COL23A1: variants seen among roughly 807,000 people sequenced by gnomAD.
COL23A1 encodes the protein collagen alpha-1(XXIII) chain.
COL23A1 carries 97 observed loss-of-function variants against 99.3 expected under a neutral mutation model. The ratio of observed to expected loss-of-function variants is 0.98; its 90% CI spans 0.83 to 1.16. COL23A1 has a LOEUF of 1.16. COL23A1 is among the 50% of genes most tolerant of loss of function. The pLI, the probability that COL23A1 is intolerant of heterozygous loss-of-function variation, is 0.00. For missense variants in COL23A1, 762 were observed against 757.4 expected (o/e 1.01, Z -0.07); for synonymous variants, 320 against 308.2 (o/e 1.04, Z -0.40).
chr5:178,554,786 G>A (rs1762181398), intron 2 of COL23A1, among the ~76,000 whole-genome samples: 1 of 151,962 alleles, frequency 6.6e-6, no homozygotes, highest in Non-Finnish European at 1.5e-5. Context: ...ATTTTTCAAG[G>A]AGAGGCACCT....
In COL23A1 at chr5:178,578,123, A is replaced by ACACACTCATG. The variant is rs1248164760; in HGVS notation, c.294+11780_294+11781insCATGAGTGTG. 6.1e-4 allele frequency among the ~76,000 whole-genome samples: 87 copies of ACACACTCATG among 141,496 alleles called. 1 individual carries two copies. The highest frequency in any genetic ancestry group is 2.3e-3 in the African/African-American group (76 of 33,722). The allele number at this position is 141,496 out of a possible 152,430, so 92.8% of individuals were successfully genotyped here. On this transcript the variant is annotated intron_variant, in intron 1 of 28. Transcript: ENST00000390654. ...CACGCCCACATGCACACATTCATGCACACACACACATGCATGCACACACAT... is the reference window on the plus strand; with the variant it reads ...CACGCCCACATGCACACATTCATGCACACACTCATGCACACACACATGCATGCACACACAT...
intron 1 of COL23A1, among the ~76,000 whole-genome samples, chr5:178,561,545 G>A (rs535618861): frequency 3.9e-5 from 6 of 152,138 alleles, no homozygotes; most frequent in Non-Finnish European, 5.9e-5. Context: ...GATGAGGAAC[G>A]CAAGCTTGGA....
chr5:178,430,657 C>T (rs189463318), intron 2 of COL23A1, among the ~76,000 whole-genome samples: 1 of 152,280 alleles, frequency 6.6e-6, no homozygotes, highest in East Asian at 1.9e-4. Flanking sequence ...AGGAAACTAA[C>T]AAAGTTGGAT....
chr5:178,467,544 G>A (rs543996153), intron 2 of COL23A1, among the ~76,000 whole-genome samples: 24 of 152,188 alleles, frequency 1.6e-4, no homozygotes, highest in East Asian at 3.9e-4. Flanking sequence ...GGCGGTAGTC[G>A]GAGGGAACCA....
intron 2 of COL23A1, among the ~76,000 whole-genome samples, chr5:178,419,522 C>G (rs937180354): frequency 6.6e-6 from 1 of 152,214 alleles, no homozygotes; most frequent in Non-Finnish European, 1.5e-5. Context: ...TTAGCATCAG[C>G]CTGTTTTGTA....
chr5:178,526,979 G>A (rs539940681), intron 2 of COL23A1, among the ~76,000 whole-genome samples: 3 of 152,340 alleles, frequency 2.0e-5, no homozygotes, highest in Admixed American at 6.5e-5. Flanking sequence ...CCAGGGTGCC[G>A]TGGTAGGCAG....
chr5:178,523,159 TATAC>T (rs1293034613), intron 2 of COL23A1, among the ~76,000 whole-genome samples: 1 of 70,098 alleles, frequency 1.4e-5, no homozygotes, highest in Non-Finnish European at 3.0e-5. Flanking sequence ...TATATATATA[TATAC>T]ATATATATAT....
Position 178,322,183 on chromosome 5 carries a change from G to A in COL23A1, c.362-15264C>T, listed in dbSNP as rs1041882393. On this transcript the variant is annotated intron_variant, in intron 2 of 28. Coordinates refer to ENST00000390654, the MANE Select transcript of COL23A1 (RefSeq NM_173465.4). ...AATTTTTTCTATTTTTAGCAGAGAC[G>A]GGATTTCACTGTGTTGGCCAGGCTG... Among the ~76,000 whole-genome samples the A allele has an allele frequency of 4.6e-5, 7 of 152,008 alleles. No homozygotes were observed. The South Asian group carries it at 8.3e-4, about 18-fold the overall frequency.
chr5:178,409,578 T>C (rs961915643), intron 2 of COL23A1, among the ~76,000 whole-genome samples: 4 of 152,224 alleles, frequency 2.6e-5, no homozygotes, highest in African/African-American at 4.8e-5. Flanking sequence ...GATGCAACTA[T>C]TGAGGAACAC....
chr5:178,258,262 T>TATATATATATATATAC lies in COL23A1; in HGVS notation c.730-696_730-695insGTATATATATATATAT. ...ATATATATATATATATATATATATA[T>TATATATATATATATAC]ACACATGCAAATCAATTCTAGGCAC... is the stretch of plus-strand genomic sequence containing the variant. On this transcript the variant is annotated intron_variant, in intron 12 of 28. Transcript: ENST00000390654. Among the ~76,000 whole-genome samples, 165 of 104,100 alleles carry TATATATATATATATAC rather than the reference T, an allele frequency of 1.6e-3. 14 individuals are homozygous for TATATATATATATATAC. The highest frequency in any genetic ancestry group is 3.5e-3 in the Admixed American group (34 of 9,648). 68.3% of individuals were successfully genotyped at this position (104,100 alleles called of 152,430 possible). A position where few individuals can be genotyped will look rare whatever the true frequency, so the allele number is the denominator to read the frequency against.
At chr5:178,359,104 G>A (rs1364573060) in intron 2 of COL23A1, among the ~76,000 whole-genome samples, 1 of 152,196 alleles carries the variant, frequency 6.6e-6, no homozygotes, top group Non-Finnish European at 1.5e-5. Flanking sequence ...GGGCTTGGGG[G>A]TCTGGCTCAG....
intron 2 of COL23A1, among the ~76,000 whole-genome samples, chr5:178,500,083 G>C (rs966468335): frequency 6.6e-6 from 1 of 152,106 alleles, no homozygotes; most frequent in African/African-American, 2.4e-5. Context: ...AGGGAGGAAG[G>C]ATTACAAAGA....
intron 2 of COL23A1, among the ~76,000 whole-genome samples, chr5:178,405,908 G>C (rs1408716776): frequency 6.6e-6 from 1 of 152,216 alleles, no homozygotes; most frequent in East Asian, 1.9e-4. Flanking sequence ...TTAGAGATCA[G>C]CCTGGACAAC....
chr5:178,532,528 G>A (rs1024016972), intron 2 of COL23A1, among the ~76,000 whole-genome samples: 2 of 152,104 alleles, frequency 1.3e-5, no homozygotes, highest in East Asian at 3.9e-4. Context: ...GAGTCAAACA[G>A]AAACCCCATA....
intron 2 of COL23A1, among the ~76,000 whole-genome samples, chr5:178,522,500 C>T (rs148965271): frequency 1.3e-4 from 20 of 152,322 alleles, no homozygotes; most frequent in Non-Finnish European, 2.9e-4. Flanking sequence ...CAAATGCTAA[C>T]CCCAGTCAAC....
At chr5:178,511,461 A>T (rs1363463312) in intron 2 of COL23A1, among the ~76,000 whole-genome samples, 1 of 152,260 alleles carries the variant, frequency 6.6e-6, no homozygotes, top group East Asian at 1.9e-4. Context: ...CCCTGCTAAG[A>T]TAAGACTCTG....
Position 178,288,221 on chromosome 5 carries a change from C to T in COL23A1, c.441+103G>A, listed in dbSNP as rs574751084. ...CAGAAAGACCACGGCTGCTGAGGAG[C>T]AGAAGAGACAGGAGCGCAGACAGAG... is the stretch of plus-strand genomic sequence containing the variant. On this transcript the variant is annotated intron_variant, in intron 5 of 28. Coordinates refer to ENST00000390654, the MANE Select transcript of COL23A1 (RefSeq NM_173465.4). 3.0e-6 allele frequency: 3 copies of T among 1,013,798 alleles called. No homozygotes were observed. In the East Asian group the frequency reaches 7.0e-5, roughly 24 times the overall value. The allele number at this position is 1,013,798 out of a possible 1,614,324, so 62.8% of individuals were successfully genotyped here.
chr5:178,344,172 T>C (rs1480011961), intron 2 of COL23A1, among the ~76,000 whole-genome samples: 2 of 152,204 alleles, frequency 1.3e-5, no homozygotes, highest in African/African-American at 4.8e-5. Flanking sequence ...CCCCAAAAGA[T>C]ACCAAAATCC....
intron 2 of COL23A1, among the ~76,000 whole-genome samples, chr5:178,483,658 T>C (rs1428044769): frequency 6.6e-6 from 1 of 152,264 alleles, no homozygotes; most frequent in East Asian, 1.9e-4. Flanking sequence ...CTTCTATTCC[T>C]AGGCATGAAG....
Sources: allele counts gnomAD v4.1 joint callset (sites outside exome capture counted in the v4.1 genomes callset), GRCh38; gene constraint gnomAD v4.1.1; transcripts MANE v1.5; gene names NCBI Gene and HGNC (gene_info 2026-07-23, HGNC 2026-07-21).